Variants in VRK2 observed in about 807,000 individuals in gnomAD.
VRK2 encodes the protein VRK serine/threonine kinase 2, also known as serine/threonine-protein kinase VRK2.
A neutral mutation model predicts 57.6 loss-of-function variants in VRK2; 60 were observed. That is an observed-to-expected ratio of 1.04 (90% CI 0.85 to 1.29). The LOEUF (loss-of-function observed/expected upper bound fraction) is 1.29, where lower values mean the gene tolerates loss of function less well. Among genes scored for constraint, VRK2 ranks in the 50% most tolerant of loss-of-function variants. VRK2 has a pLI of 0.00. For synonymous variants in VRK2, 231 were observed against 199.2 expected, an observed-to-expected ratio of 1.16 and a Z score of -1.35; for missense variants, 705 against 588.1, an observed-to-expected ratio of 1.20 and a Z score of -2.06.
intron 1 of VRK2, among the ~76,000 whole-genome samples, chr2:58,017,801 T>G (rs1006524827): frequency 3.3e-5 from 5 of 152,162 alleles, no homozygotes; most frequent in African/African-American, 9.7e-5. Context: ...TATTTCTTAT[T>G]AATGATAGTA....
chr2:57,994,549 G>C (rs1672867923), intron 1 of VRK2, among the ~76,000 whole-genome samples: 1 of 152,104 alleles, frequency 6.6e-6, no homozygotes, highest in Non-Finnish European at 1.5e-5. Flanking sequence ...GAAAGATCGA[G>C]AAACAAAAAC....
At chr2:58,060,492 A>G (rs1379522662) in intron 2 of VRK2, among the ~76,000 whole-genome samples, 2 of 151,890 alleles carry the variant, frequency 1.3e-5, no homozygotes, top group African/African-American at 2.4e-5. Context: ...CCTTAAGGCA[A>G]TAATGGATGC....
intron 7 of VRK2, among the ~76,000 whole-genome samples, chr2:58,091,328 G>A (rs1672346316): frequency 6.6e-6 from 1 of 152,050 alleles, no homozygotes; most frequent in South Asian, 2.1e-4. Context: ...GGAACTCACT[G>A]TATTTTCCAC....
rs147407132 is a variant in VRK2, at chr2:58,074,974, T to C, written c.137-9115T>C. 9.4e-4 allele frequency among the ~76,000 whole-genome samples: 143 copies of C among 152,236 alleles called. 1 individual carries two copies. In the East Asian group the frequency reaches 0.021, roughly 22 times the overall value. Reference sequence around the variant, plus strand: ...GGGTAAATTGTGCGTCATGGGAGTTTGGTATACGGATAATTTTGTCACCTA... The same window carrying C: ...GGGTAAATTGTGCGTCATGGGAGTTCGGTATACGGATAATTTTGTCACCTA... On this transcript the variant is annotated intron_variant, in intron 2 of 12. Coordinates refer to ENST00000340157, the MANE Select transcript of VRK2 (RefSeq NM_006296.7).
At chr2:58,088,117 G>A (rs1265326977) in intron 5 of VRK2, among the ~76,000 whole-genome samples, 1 of 152,206 alleles carries the variant, frequency 6.6e-6, no homozygotes, top group Non-Finnish European at 1.5e-5. Context: ...AGTGTGAATG[G>A]TTCAGTACAG....
At chr2:58,140,398 C>T (rs527558631) in intron 11 of VRK2, among the ~76,000 whole-genome samples, 4 of 151,998 alleles carry the variant, frequency 2.6e-5, no homozygotes, top group Non-Finnish European at 4.4e-5. Context: ...ATTAAGATTT[C>T]GAGCATTTTT....
At chr2:58,133,936 T>C (rs1246120892) in intron 9 of VRK2, among the ~76,000 whole-genome samples, 2 of 152,174 alleles carry the variant, frequency 1.3e-5, no homozygotes, top group African/African-American at 4.8e-5. Context: ...TACATAAACT[T>C]TGAGTTAAAG....
chr2:58,103,139 A>G (rs1674248223), intron 7 of VRK2, among the ~76,000 whole-genome samples: 1 of 151,650 alleles, frequency 6.6e-6, no homozygotes, highest in African/African-American at 2.4e-5. Context: ...AAAAGAAATC[A>G]CAAATTAACC....
At chr2:58,076,195 A>G (rs1176941786) in intron 2 of VRK2, among the ~76,000 whole-genome samples, 1 of 150,492 alleles carries the variant, frequency 6.6e-6, no homozygotes, top group Non-Finnish European at 1.5e-5. Flanking sequence ...TTATCTGTAC[A>G]GATGCTCCTT....
chr2:57,911,818 C>A (rs996480533), intron 1 of VRK2, among the ~76,000 whole-genome samples: 2 of 152,092 alleles, frequency 1.3e-5, no homozygotes, highest in Non-Finnish European at 2.9e-5. Flanking sequence ...AGAAAAAAAT[C>A]AGGAATGTTA....
intron 1 of VRK2, among the ~76,000 whole-genome samples, chr2:57,926,458 TG>T (rs1670537386): frequency 6.7e-6 from 1 of 149,248 alleles, no homozygotes; most frequent in African/African-American, 2.5e-5. Context: ...TGTGTGTGTG[TG>T]TGTGTGTGTA....
intron 1 of VRK2, among the ~76,000 whole-genome samples, chr2:58,004,685 A>T (rs1354405372): frequency 3.9e-5 from 6 of 152,192 alleles, no homozygotes; most frequent in African/African-American, 7.2e-5. Context: ...TCTGCCAAAG[A>T]AAAGTATACT....
At chr2:58,136,973 T>TCA (rs375923638) in intron 10 of VRK2, among the ~76,000 whole-genome samples, 1 of 134,958 alleles carries the variant, frequency 7.4e-6, no homozygotes, top group Non-Finnish European at 1.5e-5. Flanking sequence ...ATATCATATA[T>TCA]TATATATCAT....
At chr2:58,090,257 G>A (rs1483749361) in intron 7 of VRK2, among the ~76,000 whole-genome samples, 1 of 152,002 alleles carries the variant, frequency 6.6e-6, no homozygotes, top group African/African-American at 2.4e-5. Context: ...TTAGCTGGGT[G>A]TGGTGGTGGG....
intron 1 of VRK2, among the ~76,000 whole-genome samples, chr2:57,953,093 G>A (rs1671477867): frequency 6.6e-6 from 1 of 152,200 alleles, no homozygotes; most frequent in Non-Finnish European, 1.5e-5. Flanking sequence ...AAGGTGAGGA[G>A]GAGAAGAGGG....
At chr2:58,122,941 T>G (rs1032806232) in intron 7 of VRK2, among the ~76,000 whole-genome samples, 160 bp from the exon 8 acceptor site, 1 of 152,366 alleles carries the variant, frequency 6.6e-6, no homozygotes, top group Non-Finnish European at 1.5e-5. Flanking sequence ...TTAGTTGTTA[T>G]GGCCCCCAGT....
intron 1 of VRK2, among the ~76,000 whole-genome samples, chr2:57,983,688 G>A (rs1672503651): frequency 6.6e-6 from 1 of 152,192 alleles, no homozygotes; most frequent in Non-Finnish European, 1.5e-5. Flanking sequence ...GCAAGGGAGA[G>A]TGTATACAAT....
intron 2 of VRK2, among the ~76,000 whole-genome samples, chr2:58,072,158 A>G (rs946728727): frequency 1.3e-5 from 2 of 152,020 alleles, no homozygotes; most frequent in Non-Finnish European, 2.9e-5. Context: ...TATTAAGTCC[A>G]GGAGTTTTTT....
chr2:58,007,052 A>C (rs1024768305), intron 1 of VRK2, among the ~76,000 whole-genome samples: 5 of 151,990 alleles, frequency 3.3e-5, no homozygotes, highest in Non-Finnish European at 5.9e-5. Context: ...TTGGACTTTG[A>C]CTGGAACTGA....
Sources: allele counts gnomAD v4.1 joint callset (sites outside exome capture counted in the v4.1 genomes callset), GRCh38; gene constraint gnomAD v4.1.1; transcripts MANE v1.5; gene names NCBI Gene and HGNC (gene_info 2026-07-23, HGNC 2026-07-21).